FBXL17: variants seen among roughly 807,000 people sequenced by gnomAD.
FBXL17 encodes the protein F-box/LRR-repeat protein 17.
A neutral mutation model predicts 66.2 loss-of-function variants in FBXL17; 22 were observed. The observed-to-expected ratio is 0.33, with a 90% CI of 0.24 to 0.47. FBXL17 has a LOEUF of 0.47. FBXL17 is among the 20% of genes least tolerant of loss of function. FBXL17 has a pLI of 1.00. For missense variants in FBXL17, 878 were observed against 948.2 expected (o/e 0.93, Z 0.97); for synonymous variants, 474 against 400.5 (o/e 1.18, Z -2.19).
At chr5:107,994,602 G>A (rs560142293) in intron 7 of FBXL17, among the ~76,000 whole-genome samples, 4 of 152,192 alleles carry the variant, frequency 2.6e-5, no homozygotes, top group Non-Finnish European at 2.9e-5. Context: ...CACTTTGGGA[G>A]GCTGAGGTGG....
In FBXL17 at chr5:107,859,419, A is replaced by AT. The variant is rs1234441924; in HGVS notation, c.*2300_*2301insA. On this transcript the variant is annotated 3_prime_UTR_variant, in exon 9 of 9. Coordinates refer to ENST00000542267, the MANE Select transcript of FBXL17 (RefSeq NM_001163315.3). Reference sequence around the variant, plus strand: ...TTTTTTTTTTTTTTTTTTTTTTTTGAGATTAATGCTTTGAGGCTGGATATG... The same window carrying AT: ...TTTTTTTTTTTTTTTTTTTTTTTTGATGATTAATGCTTTGAGGCTGGATATG... The AT allele has an allele frequency of 4.4e-5, 2 of 45,922 alleles. No homozygotes were observed. The highest frequency in any genetic ancestry group is 1.4e-3 in the South Asian group (2 of 1,394). The allele number at this position is 45,922 out of a possible 1,614,324, so 2.8% of individuals were successfully genotyped here.
chr5:108,105,515 G>T (rs766461520), intron 6 of FBXL17, among the ~76,000 whole-genome samples: 4 of 152,130 alleles, frequency 2.6e-5, no homozygotes, highest in Non-Finnish European at 5.9e-5. Flanking sequence ...AGGTAAAGGA[G>T]AAAACACAGC....
chr5:107,984,085 ACTAT>A (rs1228462163), intron 7 of FBXL17, among the ~76,000 whole-genome samples: 3 of 152,160 alleles, frequency 2.0e-5, no homozygotes, highest in Non-Finnish European at 4.4e-5. Context: ...TCACAGGCAG[ACTAT>A]CTAGTGAGCA....
chr5:108,021,900 T>C (rs1289474279), intron 6 of FBXL17, among the ~76,000 whole-genome samples: 3 of 151,878 alleles, frequency 2.0e-5, no homozygotes, highest in Non-Finnish European at 4.4e-5. Context: ...TAACCTTTTC[T>C]AGGAAGTAAG....
At chr5:108,291,368 G>A (rs1306495009) in intron 4 of FBXL17, among the ~76,000 whole-genome samples, 1 of 152,148 alleles carries the variant, frequency 6.6e-6, no homozygotes, top group Admixed American at 6.5e-5. Context: ...AGGTCATCAC[G>A]TGCTCTGCTT....
At chr5:108,309,526 AAAGC>A (rs1385385374) in intron 4 of FBXL17, among the ~76,000 whole-genome samples, 1 of 152,064 alleles carries the variant, frequency 6.6e-6, no homozygotes, top group Non-Finnish European at 1.5e-5. Context: ...CATAATATAG[AAAGC>A]AAGAGAAAAT....
chr5:108,311,442 G>A (rs1759112455), intron 4 of FBXL17, among the ~76,000 whole-genome samples: 1 of 152,130 alleles, frequency 6.6e-6, no homozygotes, highest in Non-Finnish European at 1.5e-5. Context: ...AAAGTGCTGG[G>A]ATTACAGATG....
At chr5:107,939,123 T>C (rs1751009299) in intron 7 of FBXL17, among the ~76,000 whole-genome samples, 2 of 152,148 alleles carry the variant, frequency 1.3e-5, no homozygotes, top group East Asian at 1.9e-4. Context: ...TTATCATCCT[T>C]ATAATATCAA....
chr5:107,890,601 T>C (rs1174067843), intron 7 of FBXL17, among the ~76,000 whole-genome samples: 2 of 149,822 alleles, frequency 1.3e-5, no homozygotes, highest in Non-Finnish European at 3.0e-5. Flanking sequence ...GAGGTGGAGG[T>C]TGCATTGAGC....
intron 1 of FBXL17, among the ~76,000 whole-genome samples, chr5:108,378,177 A>G (rs1749576824): frequency 6.6e-6 from 1 of 152,064 alleles, no homozygotes; most frequent in African/African-American, 2.4e-5. Flanking sequence ...TGAGCCAAAA[A>G]TTAGCCTATG....
intron 4 of FBXL17, among the ~76,000 whole-genome samples, chr5:108,242,808 A>G (rs145962892): frequency 7.6e-4 from 116 of 152,250 alleles, no homozygotes; most frequent in African/African-American, 2.7e-3. Context: ...TAACCATAAT[A>G]CCATTATTAT....
At chr5:108,085,690 A>C (rs1174709936) in intron 6 of FBXL17, among the ~76,000 whole-genome samples, 1 of 152,152 alleles carries the variant, frequency 6.6e-6, no homozygotes, top group African/African-American at 2.4e-5. Flanking sequence ...ATCCAAGCAC[A>C]CTGGGAGGCA....
chr5:108,208,975 C>T (rs756854617), intron 5 of FBXL17, among the ~76,000 whole-genome samples: 22 of 152,158 alleles, frequency 1.4e-4, no homozygotes, highest in Non-Finnish European at 2.6e-4. Flanking sequence ...TTTGTGTCCT[C>T]TGTTATTTTC....
At chr5:108,341,576 T>C (rs1746883459) in intron 4 of FBXL17, among the ~76,000 whole-genome samples, 1 of 152,160 alleles carries the variant, frequency 6.6e-6, no homozygotes, top group Non-Finnish European at 1.5e-5. Context: ...AATAGATAAA[T>C]AAAACAAGAA....
chr5:108,382,069 T>G lies in FBXL17; in HGVS notation c.-378A>C. 5 of 688,504 alleles carry G rather than the reference T, an allele frequency of 7.3e-6. No homozygotes were observed. Among genetic ancestry groups the G allele is most frequent in the African/African-American group, 1.9e-5 (1 of 51,992 alleles). The allele number at this position is 688,504 out of a possible 1,614,324, so 42.6% of individuals were successfully genotyped here. On this transcript the variant is annotated 5_prime_UTR_variant, in exon 1 of 9. Transcript: ENST00000542267. The stretch of plus-strand genomic sequence containing the variant: ...CCGCTCGGACCATTTTAACTGCGGA[T>G]CCGCCGCCGGCGCGCGCACCCGCGA...
chr5:108,134,146 T>C (rs1751042798), intron 6 of FBXL17, among the ~76,000 whole-genome samples: 1 of 152,088 alleles, frequency 6.6e-6, no homozygotes, highest in African/African-American at 2.4e-5. Context: ...ATAATGCCAA[T>C]GGCAAACAAC....
chr5:108,261,497 T>C (rs1406567131), intron 4 of FBXL17, among the ~76,000 whole-genome samples: 1 of 152,130 alleles, frequency 6.6e-6, no homozygotes, highest in Non-Finnish European at 1.5e-5. Context: ...TAATATATTT[T>C]TTAAGTATTG....
chr5:107,912,275 C>CA (rs1176563791), intron 7 of FBXL17, among the ~76,000 whole-genome samples: 1 of 152,100 alleles, frequency 6.6e-6, no homozygotes, highest in Non-Finnish European at 1.5e-5. Context: ...GAATGAAACT[C>CA]AGATTGTTAA....
intron 4 of FBXL17, among the ~76,000 whole-genome samples, chr5:108,239,402 G>A (rs1333575190): frequency 6.6e-6 from 1 of 152,228 alleles, no homozygotes; most frequent in African/African-American, 2.4e-5. Flanking sequence ...GCTTTGGGAA[G>A]AGACAGTGCC....
Sources: gnomAD v4.1 joint callset for allele counts (sites outside exome capture counted in the v4.1 genomes callset) on GRCh38, gnomAD v4.1.1 for gene constraint, MANE v1.5 for transcripts, NCBI Gene and HGNC (gene_info 2026-07-23, HGNC 2026-07-21) for gene names.